The following NRXN3 variants were observed in gnomAD, a reference collection of about 807,000 sequenced individuals.
NRXN3 encodes neurexin III.
Under a neutral mutation model 137.6 loss-of-function variants are expected in NRXN3, and 32 were observed. The observed-to-expected ratio is 0.23, with a 90% CI of 0.18 to 0.31. NRXN3 has a LOEUF of 0.31. Ranked by LOEUF, NRXN3 falls within the 10% of genes least tolerant of loss-of-function variation. The pLI, the probability that NRXN3 is intolerant of heterozygous loss-of-function variation, is 1.00. For synonymous variants in NRXN3, 798 were observed against 784.5 expected (o/e 1.02, Z -0.29); for missense variants, 1,574 against 2,062.5 (o/e 0.76, Z 4.59).
At chr14:79,337,879 G>T (rs1400461238) in intron 15 of NRXN3, among the ~76,000 whole-genome samples, 1 of 151,986 alleles carries the variant, frequency 6.6e-6, no homozygotes, top group Non-Finnish European at 1.5e-5. Context: ...AATAAATTTT[G>T]CAAACTCCCC....
chr14:79,724,292 T>C (rs1003535953), intron 19 of NRXN3, among the ~76,000 whole-genome samples: 1 of 152,156 alleles, frequency 6.6e-6, no homozygotes, highest in Non-Finnish European at 1.5e-5. Flanking sequence ...CTGACTGTGC[T>C]ACATTTTTAG....
chr14:79,619,020 G>A (rs538061829), intron 16 of NRXN3, among the ~76,000 whole-genome samples: 6 of 152,048 alleles, frequency 3.9e-5, no homozygotes, highest in South Asian at 2.1e-4. Flanking sequence ...AGAAGTGTCC[G>A]TTCATATTCT....
intron 8 of NRXN3, among the ~76,000 whole-genome samples, chr14:78,794,416 T>C (rs1312055908): frequency 6.6e-6 from 1 of 152,130 alleles, no homozygotes; most frequent in African/African-American, 2.4e-5. Flanking sequence ...AAACAAATAA[T>C]AACACCAGTT....
At chr14:79,645,717 C>G (rs1324296253) in intron 16 of NRXN3, among the ~76,000 whole-genome samples, 2 of 134,572 alleles carry the variant, frequency 1.5e-5, no homozygotes, top group Non-Finnish European at 1.7e-5. Flanking sequence ...AGTGGCTAGA[C>G]TAATCAACAA....
At chr14:79,807,805 T>G (rs1475548294) in intron 20 of NRXN3, among the ~76,000 whole-genome samples, 1 of 152,190 alleles carries the variant, frequency 6.6e-6, no homozygotes, top group African/African-American at 2.4e-5. Context: ...AGAATGAGCA[T>G]TGCATTTTTC....
intron 10 of NRXN3, among the ~76,000 whole-genome samples, chr14:78,883,513 G>T (rs1326067347): frequency 6.6e-6 from 1 of 152,134 alleles, no homozygotes; most frequent in Non-Finnish European, 1.5e-5. Context: ...AAAACAGAAG[G>T]CAAAAATAGT....
chr14:78,477,273 C>T (rs1548816), intron 4 of NRXN3, among the ~76,000 whole-genome samples: 1 of 152,150 alleles, frequency 6.6e-6, no homozygotes, highest in African/African-American at 2.4e-5. Flanking sequence ...CTCATTCATT[C>T]TCTACATTTC....
chr14:79,549,293 G>A (rs2097351540), intron 16 of NRXN3, among the ~76,000 whole-genome samples: 1 of 152,088 alleles, frequency 6.6e-6, no homozygotes, highest in Non-Finnish European at 1.5e-5. Context: ...TGGGAAGGGA[G>A]CTGATTTAGG....
At chr14:78,690,363 A>G (rs2098160961) in intron 6 of NRXN3, among the ~76,000 whole-genome samples, 1 of 152,226 alleles carries the variant, frequency 6.6e-6, no homozygotes, top group Non-Finnish European at 1.5e-5. Flanking sequence ...GTACTTGTCA[A>G]TGAGAGACTT....
In NRXN3 at chr14:78,709,225, T is replaced by C. The variant is rs1042245575; in HGVS notation, c.1230T>C (p.Tyr410=). 6.2e-7 allele frequency: 1 copy of C among 1,610,298 alleles called. No homozygotes were observed. Among genetic ancestry groups the C allele is most frequent in the Non-Finnish European group, 8.5e-7 (1 of 1,178,002 alleles). Residue 410 remains tyrosine (Y), a synonymous_variant, in exon 7 of 21, where the codon TAT becomes TAC. Coordinates refer to ENST00000335750, the MANE Select transcript of NRXN3 (RefSeq NM_001330195.2). ...NFMGCLKEVV[Y]KNNDIRLELS... ...TGTTTGGCTTTTGACAGGTTGTTTA[T>C]AAGAATAATGACATCCGTCTGGAGC... is the stretch of plus-strand genomic sequence containing the variant.
intron 4 of NRXN3, among the ~76,000 whole-genome samples, chr14:78,435,750 T>C (rs1003911772): frequency 7.2e-5 from 11 of 152,238 alleles, no homozygotes; most frequent in African/African-American, 2.4e-4. Context: ...CAGTGAGACT[T>C]TTTCCAAAGG....
chr14:78,456,667 C>A (rs79581874), intron 4 of NRXN3, among the ~76,000 whole-genome samples: 1 of 152,086 alleles, frequency 6.6e-6, no homozygotes, highest in African/African-American at 2.4e-5. Context: ...TCATCACCTT[C>A]TTATTCTGTT....
At chr14:79,609,834 A>G in intron 16 of NRXN3, among the ~76,000 whole-genome samples, 1 of 152,188 alleles carries the variant, frequency 6.6e-6, no homozygotes, top group East Asian at 1.9e-4. Context: ...ATTTCTCAGC[A>G]AACTAACACA....
At chr14:79,509,314 T>C (rs1343734387) in intron 16 of NRXN3, among the ~76,000 whole-genome samples, 1 of 152,154 alleles carries the variant, frequency 6.6e-6, no homozygotes, top group African/African-American at 2.4e-5. Context: ...TGAGACCAGC[T>C]TGCCAATATG....
intron 15 of NRXN3, among the ~76,000 whole-genome samples, chr14:79,318,666 A>G (rs1408561025): frequency 6.6e-6 from 1 of 152,086 alleles, no homozygotes; most frequent in Non-Finnish European, 1.5e-5. Context: ...GAGTCCAGGA[A>G]ATAAGAACTA....
chr14:79,427,817 C>T (rs1036701227), intron 15 of NRXN3, among the ~76,000 whole-genome samples: 26 of 142,670 alleles, frequency 1.8e-4, no homozygotes, highest in Non-Finnish European at 3.0e-4. Flanking sequence ...GGCGACAGAG[C>T]GAGACTCCAT....
At position 79,293,028 on chromosome 14, in the gene NRXN3, A is replaced by G. The variant is rs184162520; in HGVS notation, c.3263-174193A>G. 2.6e-5 allele frequency among the ~76,000 whole-genome samples: 4 copies of G among 152,296 alleles called. No individual in the cohort carries two copies. The East Asian group carries it at 7.7e-4, about 29-fold the overall frequency. On this transcript the variant is annotated intron_variant, in intron 15 of 20. Coordinates refer to ENST00000335750, the MANE Select transcript of NRXN3 (RefSeq NM_001330195.2). Reference sequence around the variant, plus strand: ...AAGGTAAACCTAGAGTCTTGGCCTTATACAGACAACCCCCTTCTTTGGGAT... The same window carrying G: ...AAGGTAAACCTAGAGTCTTGGCCTTGTACAGACAACCCCCTTCTTTGGGAT...
intron 4 of NRXN3, among the ~76,000 whole-genome samples, chr14:78,620,413 G>A (rs922261240): frequency 3.3e-5 from 5 of 152,058 alleles, no homozygotes; most frequent in South Asian, 2.1e-4. Flanking sequence ...CCTCCCTCAC[G>A]TCTTTGTTCA....
At chr14:79,350,903 T>G (rs1275191636) in intron 15 of NRXN3, among the ~76,000 whole-genome samples, 1 of 152,202 alleles carries the variant, frequency 6.6e-6, no homozygotes, top group African/African-American at 2.4e-5. Context: ...CACCATATGC[T>G]ACACAAAACT....
Sources: gnomAD v4.1 joint callset for allele counts (sites outside exome capture counted in the v4.1 genomes callset) on GRCh38, gnomAD v4.1.1 for gene constraint, MANE v1.5 for transcripts, NCBI Gene and HGNC (gene_info 2026-07-23, HGNC 2026-07-21) for gene names.